RBFOX3: variants seen among roughly 807,000 people sequenced by gnomAD.
RBFOX3 encodes RNA binding fox-1 homolog 3, also known as RNA binding protein fox-1 homolog 3.
Under a neutral mutation model 48.7 loss-of-function variants are expected in RBFOX3, and 17 were observed. The ratio of observed to expected loss-of-function variants is 0.35; its 90% CI spans 0.24 to 0.52. The LOEUF is 0.52. Ranked by LOEUF, RBFOX3 falls within the 20% of genes least tolerant of loss-of-function variation. RBFOX3 has a pLI of 0.94. For missense variants in RBFOX3, 382 were observed against 497.5 expected, an observed-to-expected ratio of 0.77 and a Z score of 2.21; for synonymous variants, 212 against 209.5, an observed-to-expected ratio of 1.01 and a Z score of -0.10.
At chr17:79,132,077 G>T (rs971932184) in intron 4 of RBFOX3, among the ~76,000 whole-genome samples, 3 of 152,174 alleles carry the variant, frequency 2.0e-5, no homozygotes, top group Non-Finnish European at 4.4e-5. Context: ...TCTGGCTGAT[G>T]GGGCTTGGTC....
At chr17:79,424,094 C>T (rs1429527516) in intron 2 of RBFOX3, 1 of 152,410 alleles carries the variant, frequency 6.6e-6, no homozygotes, top group African/African-American at 2.4e-5. Context: ...GCTGCACAGC[C>T]TTCAGCCCTC....
At chr17:79,508,061 A>G (rs999303101) in intron 1 of RBFOX3, among the ~76,000 whole-genome samples, 5 of 152,252 alleles carry the variant, frequency 3.3e-5, no homozygotes, top group Admixed American at 6.5e-5. Flanking sequence ...AGGAGCCTCA[A>G]TGGGACCGAT....
At position 79,479,525 on chromosome 17, in the gene RBFOX3, A is replaced by T. The variant is rs1003342356; in HGVS notation, c.-175+2929T>A. Among the ~76,000 whole-genome samples the T allele has an allele frequency of 6.6e-6, 1 of 152,224 alleles. No homozygotes were observed. Among genetic ancestry groups the T allele is most frequent in the East Asian group, 1.9e-4 (1 of 5,200 alleles). ...AGAAAAGGAAGACTCTGAAAGGCAG[A>T]TTCCTCACTTCACAATTCAGAGCAC... On this transcript the variant is annotated intron_variant, in intron 2 of 14. Transcript: ENST00000693108. The surrounding 1 kb of genome is among the most constrained non-coding windows in gnomAD (Gnocchi z 5.1).
chr17:79,129,858 T>G (rs1235109620), intron 4 of RBFOX3, among the ~76,000 whole-genome samples: 4 of 152,190 alleles, frequency 2.6e-5, no homozygotes, highest in Non-Finnish European at 5.9e-5. Flanking sequence ...CCCCAGCCCA[T>G]GCCAGGGAGG....
chr17:79,097,271 TC>T lies in RBFOX3; in HGVS notation c.755+20del. ...GCCGTCCTACCCCCTCCTCCACGCC[TC>T]CCCCGGCCCAGGTACTCACGCTCCG... On this transcript the variant is annotated intron_variant, in intron 11 of 14. Transcript: ENST00000693108. The T allele has an allele frequency of 8.1e-7, 1 of 1,232,430 alleles. No homozygotes were observed. The highest frequency in any genetic ancestry group is 1.1e-6 in the Non-Finnish European group (1 of 951,990). 76.3% of individuals were successfully genotyped at this position (1,232,430 alleles called of 1,614,324 possible). A position where few individuals can be genotyped will look rare whatever the true frequency, so the allele number is the denominator to read the frequency against.
At chr17:79,494,070 AG>A (rs1369482168) in intron 1 of RBFOX3, among the ~76,000 whole-genome samples, 1 of 152,210 alleles carries the variant, frequency 6.6e-6, no homozygotes, top group Non-Finnish European at 1.5e-5. Flanking sequence ...GAGGAGTTTG[AG>A]GCTAGCCTGG....
intron 2 of RBFOX3, among the ~76,000 whole-genome samples, chr17:79,320,311 C>G (rs1328836760): frequency 6.6e-6 from 1 of 152,200 alleles, no homozygotes; most frequent in African/African-American, 2.4e-5. Flanking sequence ...ACCAGAGGGG[C>G]ATTGCTGGCA....
chr17:79,271,325 C>T (rs987952486), intron 3 of RBFOX3, among the ~76,000 whole-genome samples: 1 of 152,194 alleles, frequency 6.6e-6, no homozygotes, highest in African/African-American at 2.4e-5. Context: ...ATCCATGTGT[C>T]TTGGCCTCCC....
At chr17:79,515,460 T>G (rs1471250398) in intron 1 of RBFOX3, among the ~76,000 whole-genome samples, 4 of 152,138 alleles carry the variant, frequency 2.6e-5, no homozygotes, top group Non-Finnish European at 5.9e-5. Context: ...TCCCTGAGAC[T>G]TGCAGGAGCT....
At chr17:79,474,820 C>T (rs1029406479) in intron 2 of RBFOX3, among the ~76,000 whole-genome samples, 3 of 152,258 alleles carry the variant, frequency 2.0e-5, no homozygotes, top group East Asian at 3.9e-4. Flanking sequence ...CTTCAGCACC[C>T]GTGCCCACCC....
chr17:79,154,238 C>T (rs993194029), intron 4 of RBFOX3, among the ~76,000 whole-genome samples: 3 of 152,084 alleles, frequency 2.0e-5, no homozygotes, highest in Non-Finnish European at 4.4e-5. Flanking sequence ...CTTCCCTGTA[C>T]CCACAATGCT....
chr17:79,538,286 C>T (rs184258354), intron 1 of RBFOX3, among the ~76,000 whole-genome samples: 323 of 152,324 alleles, frequency 2.1e-3, no homozygotes, highest in Admixed American at 3.9e-3. Flanking sequence ...ACAGCAGGAA[C>T]TTAACTAAGC....
chr17:79,440,700 G>C (rs1029806725), intron 2 of RBFOX3, among the ~76,000 whole-genome samples: 3 of 152,116 alleles, frequency 2.0e-5, no homozygotes, highest in African/African-American at 7.2e-5. Flanking sequence ...GTTGACCTTT[G>C]CCCTATGGCT....
rs554899816 is a variant in RBFOX3 at position 79,415,666 on chromosome 17, A to G, written c.-175+66788T>C. ...TCACACAATTGCATGCGGCTCAGTTACGATGGGCACACAGGGAGCAGGTCC... is the reference window on the plus strand; with the variant it reads ...TCACACAATTGCATGCGGCTCAGTTGCGATGGGCACACAGGGAGCAGGTCC... On this transcript the variant is annotated intron_variant, in intron 2 of 14. Transcript: ENST00000693108. 3.9e-5 allele frequency among the ~76,000 whole-genome samples: 6 copies of G among 152,322 alleles called. No individual in the cohort carries two copies. In the East Asian group the frequency reaches 1.2e-3, roughly 29 times the overall value.
At chr17:79,173,138 A>G (rs372322827) in intron 4 of RBFOX3, among the ~76,000 whole-genome samples, 1 of 152,330 alleles carries the variant, frequency 6.6e-6, no homozygotes, top group African/African-American at 2.4e-5. Context: ...TGAACCCAGG[A>G]GGCAGAAGTT....
In RBFOX3 at chr17:79,273,812, C is replaced by T. The variant is rs369058172; in HGVS notation, c.-74+33912G>A. Among the ~76,000 whole-genome samples the T allele has an allele frequency of 8.0e-4, 122 of 152,324 alleles. 1 individual carries two copies. In the South Asian group the frequency reaches 0.024, roughly 31 times the overall value. ...AGAAAGAGCTGGGCTGCAGGGAGCC[C>T]GTGCCCTCCTGCCACAGTGACAGGC... On this transcript the variant is annotated intron_variant, in intron 3 of 14. Coordinates refer to ENST00000693108, the MANE Select transcript of RBFOX3 (RefSeq NM_001350451.2).
At chr17:79,523,163 T>C (rs1599036360) in intron 1 of RBFOX3, among the ~76,000 whole-genome samples, 1 of 151,662 alleles carries the variant, frequency 6.6e-6, no homozygotes, top group Non-Finnish European at 1.5e-5. Flanking sequence ...GAATGTGGAA[T>C]TGTTTCTGGG....
the RBFOX3 span, among the ~76,000 whole-genome samples, chr17:79,639,549 A>G: frequency 2.8e-4 from 42 of 152,224 alleles, no homozygotes; most frequent in Non-Finnish European, 5.0e-4. Context: ...AATGAAAACT[A>G]CAGGGCAATA....
intron 1 of RBFOX3, among the ~76,000 whole-genome samples, chr17:79,492,974 T>A (rs747733433): frequency 4.6e-5 from 7 of 152,156 alleles, no homozygotes; most frequent in African/African-American, 1.4e-4. Flanking sequence ...ATTAGGCTGT[T>A]CTTGCATTGC....
Sources: allele counts gnomAD v4.1 joint callset (sites outside exome capture counted in the v4.1 genomes callset), GRCh38; gene constraint gnomAD v4.1.1; non-coding constraint Gnocchi (gnomAD v3.1); transcripts MANE v1.5; gene names NCBI Gene and HGNC (gene_info 2026-07-23, HGNC 2026-07-21).